The following PPARGC1A variants were observed in gnomAD, a reference collection of about 807,000 sequenced individuals.
PPARGC1A encodes PPARG coactivator 1 alpha.
A neutral mutation model predicts 88.7 loss-of-function variants in PPARGC1A; 25 were observed. The observed-to-expected ratio is 0.28, with a 90% confidence interval of 0.21 to 0.39. PPARGC1A has a LOEUF of 0.39. PPARGC1A is among the 10% of genes least tolerant of loss of function. The probability of loss-of-function intolerance (pLI) is 1.00; values close to 1 mark genes in which losing one functional copy is unlikely to be tolerated. For missense variants in PPARGC1A, 880 were observed against 968.7 expected, an observed-to-expected ratio of 0.91 and a Z score of 1.22; for synonymous variants, 363 against 355.6, an observed-to-expected ratio of 1.02 and a Z score of -0.24.
the PPARGC1A span, among the ~76,000 whole-genome samples, chr4:24,142,858 T>C: frequency 2.0e-5 from 3 of 151,978 alleles, no homozygotes; most frequent in Non-Finnish European, 4.4e-5. Context: ...GAATTATAGG[T>C]GTAGGGAAAG....
the PPARGC1A span, among the ~76,000 whole-genome samples, chr4:24,398,928 T>A: frequency 2.0e-5 from 3 of 152,174 alleles, no homozygotes; most frequent in Non-Finnish European, 4.4e-5. Context: ...GAAGAAGATA[T>A]TTTCCCCACC....
intron 2 of PPARGC1A, among the ~76,000 whole-genome samples, chr4:23,880,505 A>G (rs1577637812): frequency 6.6e-6 from 1 of 152,188 alleles, no homozygotes; most frequent in Non-Finnish European, 1.5e-5. Flanking sequence ...TCAAATGCTC[A>G]TGGTCTGTTG....
intron 2 of PPARGC1A, chr4:23,882,128 CAT>C (rs1380139738): frequency 1.3e-5 from 2 of 152,206 alleles, no homozygotes; most frequent in African/African-American, 4.8e-5. Context: ...GGCATTGCCA[CAT>C]ATGACTTTAC....
At chr4:24,271,479 G>A in the PPARGC1A span, among the ~76,000 whole-genome samples, 10 of 152,148 alleles carry the variant, frequency 6.6e-5, no homozygotes, top group Admixed American at 3.9e-4. Flanking sequence ...CCAGGTTCAC[G>A]CCATTCTCCT....
At chr4:24,186,770 C>G in the PPARGC1A span, among the ~76,000 whole-genome samples, 28 of 151,770 alleles carry the variant, frequency 1.8e-4, no homozygotes, top group South Asian at 4.8e-3. Flanking sequence ...GTTGCCAGAA[C>G]CATGGGCAGG....
the PPARGC1A span, among the ~76,000 whole-genome samples, chr4:24,165,967 G>A: frequency 3.3e-5 from 5 of 152,200 alleles, no homozygotes; most frequent in African/African-American, 7.2e-5. Context: ...AAGGCATGTC[G>A]AAAGCTGAAA....
chr4:24,326,488 C>A, the PPARGC1A span, among the ~76,000 whole-genome samples: 1 of 151,900 alleles, frequency 6.6e-6, no homozygotes, highest in Non-Finnish European at 1.5e-5. Flanking sequence ...TTCCTTTGCA[C>A]CCGTCATCCC....
the PPARGC1A span, among the ~76,000 whole-genome samples, chr4:24,130,255 G>A: frequency 2.6e-5 from 4 of 152,148 alleles, no homozygotes; most frequent in Non-Finnish European, 4.4e-5. Context: ...CAGCCACTGA[G>A]GTAGGTACTG....
the PPARGC1A span, among the ~76,000 whole-genome samples, chr4:24,082,542 C>A: frequency 3.2e-3 from 484 of 152,246 alleles, 2 homozygotes; most frequent in South Asian, 6.0e-3. Context: ...TAGAAAATTG[C>A]GGCTTTTGCA....
the PPARGC1A span, among the ~76,000 whole-genome samples, chr4:24,319,009 A>G: frequency 6.6e-6 from 1 of 152,198 alleles, no homozygotes; most frequent in Non-Finnish European, 1.5e-5. Context: ...AAACAAACAA[A>G]CAAAATGAAT....
the PPARGC1A span, among the ~76,000 whole-genome samples, chr4:23,990,445 AG>A: frequency 6.6e-6 from 1 of 152,054 alleles, no homozygotes. Context: ...AAGGCACATT[AG>A]GATAGATTGT....
chr4:23,946,597 A>G, the PPARGC1A span, among the ~76,000 whole-genome samples: 1 of 152,098 alleles, frequency 6.6e-6, no homozygotes, highest in Non-Finnish European at 1.5e-5. Flanking sequence ...TATTAGTAGG[A>G]AGAACAGCAA....
At chr4:23,920,355 C>T in the PPARGC1A span, among the ~76,000 whole-genome samples, 3 of 152,128 alleles carry the variant, frequency 2.0e-5, no homozygotes, top group African/African-American at 7.2e-5. Context: ...CTTGATCTAT[C>T]TAATTTTTAA....
the PPARGC1A span, among the ~76,000 whole-genome samples, chr4:24,065,659 C>T: frequency 6.6e-6 from 1 of 152,090 alleles, no homozygotes; most frequent in East Asian, 1.9e-4. Context: ...AGAGCCTACC[C>T]CAGGTTAGGC....
chr4:24,164,244 G>A, the PPARGC1A span, among the ~76,000 whole-genome samples: 2 of 152,182 alleles, frequency 1.3e-5, no homozygotes, highest in Admixed American at 1.3e-4. Flanking sequence ...GTAGCAGAGT[G>A]GGGCTGGTAC....
chr4:23,971,962 C>T, the PPARGC1A span, among the ~76,000 whole-genome samples: 1 of 152,056 alleles, frequency 6.6e-6, no homozygotes, highest in South Asian at 2.1e-4. Flanking sequence ...AGCAAACAGC[C>T]ATTTTTAATC....
At chr4:23,840,924 A>C (rs1726951646) in intron 2 of PPARGC1A, among the ~76,000 whole-genome samples, 1 of 152,158 alleles carries the variant, frequency 6.6e-6, no homozygotes, top group Non-Finnish European at 1.5e-5. Context: ...ACCAGCTGAC[A>C]GGCCAGGCAA....
At chr4:24,386,370 T>C in the PPARGC1A span, among the ~76,000 whole-genome samples, 2 of 152,136 alleles carry the variant, frequency 1.3e-5, no homozygotes, top group Non-Finnish European at 2.9e-5. Context: ...TTATTCAACA[T>C]AGTATTCGAA....
At chr4:24,440,204 G>A in the PPARGC1A span, among the ~76,000 whole-genome samples, 1 of 152,322 alleles carries the variant, frequency 6.6e-6, no homozygotes, top group East Asian at 1.9e-4. Flanking sequence ...CATCCCTCCA[G>A]TGTTCAGAGG....
Sources: allele counts gnomAD v4.1 joint callset (sites outside exome capture counted in the v4.1 genomes callset), GRCh38; gene constraint gnomAD v4.1.1; transcripts MANE v1.5; gene names NCBI Gene and HGNC (gene_info 2026-07-23, HGNC 2026-07-21).